DGKB: variants seen among roughly 807,000 people sequenced by gnomAD.
DGKB encodes diacylglycerol kinase beta.
Under a neutral mutation model 114.3 loss-of-function variants are expected in DGKB, and 67 were observed. The observed-to-expected ratio is 0.59, with a 90% CI of 0.48 to 0.72. DGKB has a LOEUF of 0.72. DGKB is among the 30% of genes least tolerant of loss of function. The probability of loss-of-function intolerance (pLI) is 0.00; values close to 1 mark genes in which losing one functional copy is unlikely to be tolerated. For missense variants in DGKB, 907 were observed against 975.2 expected (o/e 0.93, Z 0.93); for synonymous variants, 398 against 323.1 (o/e 1.23, Z -2.49).
intron 6 of DGKB, among the ~76,000 whole-genome samples, chr7:14,710,136 T>C (rs1827107871): frequency 6.6e-6 from 1 of 152,056 alleles, no homozygotes; most frequent in South Asian, 2.1e-4. Context: ...AAATGCTGAG[T>C]CTTGAAATCT....
intron 13 of DGKB, among the ~76,000 whole-genome samples, chr7:14,661,040 T>C (rs1163693002): frequency 6.6e-6 from 1 of 150,422 alleles, no homozygotes; most frequent in East Asian, 2.0e-4. Flanking sequence ...TTACACCTTA[T>C]ACAAAAATCA....
At chr7:14,840,122 C>A (rs1434627957) in intron 2 of DGKB, among the ~76,000 whole-genome samples, 2 of 152,162 alleles carry the variant, frequency 1.3e-5, no homozygotes, top group Non-Finnish European at 2.9e-5. Context: ...ATAATATCAT[C>A]CAACTAATTC....
At chr7:14,861,041 G>A (rs978225109) in intron 1 of DGKB, among the ~76,000 whole-genome samples, 2 of 151,684 alleles carry the variant, frequency 1.3e-5, no homozygotes, top group Non-Finnish European at 2.9e-5. Context: ...ATCAATATAG[G>A]GAGAATTCAG....
At chr7:14,899,137 A>C (rs1381432933) in intron 1 of DGKB, among the ~76,000 whole-genome samples, 2 of 152,136 alleles carry the variant, frequency 1.3e-5, no homozygotes, top group African/African-American at 4.8e-5. Context: ...TCTCTGTAAC[A>C]CTTCACATTT....
intron 1 of DGKB, among the ~76,000 whole-genome samples, chr7:14,868,163 C>T (rs1261690982): frequency 6.6e-6 from 1 of 152,062 alleles, no homozygotes; most frequent in African/African-American, 2.4e-5. Flanking sequence ...TAGGGTCAGT[C>T]TTTCACTGAC....
At chr7:14,385,233 T>A (rs555919135) in intron 21 of DGKB, among the ~76,000 whole-genome samples, 7 of 151,982 alleles carry the variant, frequency 4.6e-5, no homozygotes, top group African/African-American at 1.7e-4. Context: ...GGGAGAAAAA[T>A]GAATTCCATG....
rs564550443 is a variant in DGKB, at chr7:14,816,234, C to T, written c.70+24960G>A. ...CTGTAGTCCCAGCTACTCTGGAGGC[C>T]GAGACAGGAGAATCGCTTGAATCTT... On this transcript the variant is annotated intron_variant, in intron 2 of 25. Transcript: ENST00000402815. Among the ~76,000 whole-genome samples, 4 of 151,984 alleles carry T rather than the reference C, an allele frequency of 2.6e-5. No homozygotes were observed. The East Asian group carries it at 5.8e-4, about 22-fold the overall frequency.
intron 1 of DGKB, among the ~76,000 whole-genome samples, chr7:14,856,020 C>CACGCCA (rs3036255): frequency 6.7e-6 from 1 of 148,822 alleles, no homozygotes; most frequent in Non-Finnish European, 1.5e-5. Context: ...CACACACACA[C>CACGCCA]ATAATTAACA....
chr7:14,695,766 C>G (rs537804254), intron 8 of DGKB, among the ~76,000 whole-genome samples: 2 of 152,054 alleles, frequency 1.3e-5, no homozygotes, highest in East Asian at 3.9e-4. Context: ...CTCGGCCTCC[C>G]AAAGTGCTCG....
chr7:14,901,477 T>C (rs529004340), intron 1 of DGKB, among the ~76,000 whole-genome samples: 2 of 152,286 alleles, frequency 1.3e-5, no homozygotes, highest in African/African-American at 4.8e-5. Flanking sequence ...CATTCTCTTT[T>C]AGGTAATTTC....
At chr7:14,188,215 T>A (rs1425233127) in intron 23 of DGKB, among the ~76,000 whole-genome samples, 1 of 152,168 alleles carries the variant, frequency 6.6e-6, no homozygotes, top group African/African-American at 2.4e-5. Flanking sequence ...ACAGGACTTA[T>A]GGGACACCAT....
intron 13 of DGKB, among the ~76,000 whole-genome samples, chr7:14,660,555 C>T (rs906678785): frequency 2.6e-4 from 40 of 151,928 alleles, no homozygotes; most frequent in African/African-American, 6.5e-4. Flanking sequence ...TCTGTGGGAT[C>T]GGTGGTGATA....
intron 23 of DGKB, among the ~76,000 whole-genome samples, chr7:14,192,954 A>G (rs1037310093): frequency 5.3e-5 from 8 of 152,078 alleles, no homozygotes; most frequent in Non-Finnish European, 8.8e-5. Flanking sequence ...CGCAGTTCAC[A>G]ATAGGGTTTG....
intron 21 of DGKB, among the ~76,000 whole-genome samples, chr7:14,366,665 C>T (rs1816726258): frequency 6.6e-6 from 1 of 152,068 alleles, no homozygotes; most frequent in African/African-American, 2.4e-5. Flanking sequence ...CAAATCCAAT[C>T]GATTCTCAAT....
At chr7:14,941,232 G>A (rs1391489940) in intron 1 of DGKB, among the ~76,000 whole-genome samples, 4 of 151,862 alleles carry the variant, frequency 2.6e-5, no homozygotes, top group Non-Finnish European at 1.5e-5. Flanking sequence ...TCAAGTGCTT[G>A]CAAAAAAAAT....
chr7:14,824,867 T>A (rs1845437767), intron 2 of DGKB, among the ~76,000 whole-genome samples: 1 of 151,320 alleles, frequency 6.6e-6, no homozygotes, highest in Admixed American at 6.6e-5. Flanking sequence ...ATTGTAATAA[T>A]ATAATCCATC....
rs117710035 is a variant in DGKB, at chr7:14,293,315, C to T, written c.2122+45200G>A. 5.4e-3 allele frequency among the ~76,000 whole-genome samples: 827 copies of T among 152,132 alleles called. 6 individuals are homozygous for T. Among genetic ancestry groups the T allele is most frequent in the Middle Eastern group, 0.01 (3 of 294 alleles). ...GTGCATGATAAAAATATCCCAGTGC[C>T]CAGCTTCTATTTGTACCTGCCTAGA... On this transcript the variant is annotated intron_variant, in intron 23 of 25. Transcript: ENST00000402815.
intron 1 of DGKB, among the ~76,000 whole-genome samples, chr7:14,888,602 G>A (rs546025726): frequency 6.6e-6 from 1 of 151,830 alleles, no homozygotes; most frequent in South Asian, 2.1e-4. Flanking sequence ...GCCACTGGTA[G>A]ATTTAAAAGC....
At chr7:14,570,091 T>C (rs1310553538) in intron 20 of DGKB, among the ~76,000 whole-genome samples, 25 of 151,002 alleles carry the variant, frequency 1.7e-4, no homozygotes, top group Admixed American at 6.6e-5. Context: ...ATTTTTTCAA[T>C]TGGAATATAT....
Sources: allele counts gnomAD v4.1 joint callset (sites outside exome capture counted in the v4.1 genomes callset), GRCh38; gene constraint gnomAD v4.1.1; transcripts MANE v1.5; gene names NCBI Gene and HGNC (gene_info 2026-07-23, HGNC 2026-07-21).